Variants in MTUS2 observed in about 807,000 individuals in gnomAD.
MTUS2 encodes microtubule-associated tumor suppressor candidate 2.
MTUS2 carries 40 observed loss-of-function variants against 114.1 expected under a neutral mutation model. The ratio of observed to expected loss-of-function variants is 0.35; its 90% confidence interval spans 0.27 to 0.46. The LOEUF (loss-of-function observed/expected upper bound fraction) is 0.46, where lower values mean the gene tolerates loss of function less well. Among genes scored for constraint, MTUS2 ranks in the 20% least tolerant of loss-of-function variants. MTUS2 has a pLI of 1.00. For synonymous variants in MTUS2, 688 were observed against 672.0 expected (o/e 1.02, Z -0.37); for missense variants, 1,679 against 1,705.4 (o/e 0.98, Z 0.27).
intron 3 of MTUS2, among the ~76,000 whole-genome samples, chr13:29,028,772 A>C (rs1886680751): frequency 6.6e-6 from 1 of 152,050 alleles, no homozygotes; most frequent in South Asian, 2.1e-4. Context: ...GATTGTTTTC[A>C]ATATTTTGTT....
At chr13:29,028,355 C>CA (rs58532258) in intron 3 of MTUS2, among the ~76,000 whole-genome samples, 83,109 of 151,776 alleles carry the variant, frequency 0.55, 23,566 homozygotes, top group African/African-American at 0.7. Context: ...GTCTCAAAAA[C>CA]AAGGGCAGGA....
At chr13:29,264,705 T>A (rs144110214) in intron 5 of MTUS2, among the ~76,000 whole-genome samples, 8 of 152,346 alleles carry the variant, frequency 5.3e-5, no homozygotes, top group Non-Finnish European at 1.2e-4. Context: ...CAGCCTGAGC[T>A]GTACCTGGGA....
chr13:28,982,795 A>C (rs1033531148), intron 2 of MTUS2, among the ~76,000 whole-genome samples: 2 of 152,224 alleles, frequency 1.3e-5, no homozygotes, highest in African/African-American at 2.4e-5. Context: ...GACAAATACT[A>C]TGTGATTCCA....
intron 8 of MTUS2, among the ~76,000 whole-genome samples, chr13:29,371,425 C>T (rs980116413): frequency 7.9e-5 from 12 of 151,976 alleles, no homozygotes; most frequent in Admixed American, 7.9e-4. Flanking sequence ...ACCATGTTGG[C>T]CAGGCTGGTC....
At chr13:29,226,705 T>C (rs1170042138) in intron 5 of MTUS2, among the ~76,000 whole-genome samples, 1 of 152,168 alleles carries the variant, frequency 6.6e-6, no homozygotes, top group Non-Finnish European at 1.5e-5. Flanking sequence ...GAAGTCTCTT[T>C]AATATTAAAA....
chr13:29,482,770 C>A (rs934497884), intron 10 of MTUS2, among the ~76,000 whole-genome samples: 1 of 152,198 alleles, frequency 6.6e-6, no homozygotes, highest in African/African-American at 2.4e-5. Flanking sequence ...GAAATCATAT[C>A]TGAATGCTTT....
intron 5 of MTUS2, among the ~76,000 whole-genome samples, chr13:29,142,374 G>C (rs1182919777): frequency 6.6e-6 from 1 of 152,082 alleles, no homozygotes; most frequent in Non-Finnish European, 1.5e-5. Flanking sequence ...TGATGCTCCT[G>C]GTCCAGAACC....
chr13:29,476,568 A>AC lies in MTUS2; in HGVS notation c.3185-3582_3185-3581insC, dbSNP rs1464608115. Reference sequence around the variant, plus strand: ...AATTCACATACCATACAACCCACCCATTTAAGTATACAATGTGGTGGTTTT... The same window carrying AC: ...AATTCACATACCATACAACCCACCCACTTTAAGTATACAATGTGGTGGTTTT... On this transcript the variant is annotated intron_variant, in intron 9 of 15. Transcript: ENST00000612955. The AC allele has an allele frequency of 1.4e-4, 4 of 28,220 alleles. No individual in the cohort carries two copies. In the East Asian group the frequency reaches 2.1e-3, roughly 15 times the overall value. 1.7% of individuals were successfully genotyped at this position (28,220 alleles called of 1,614,324 possible).
At chr13:29,258,245 T>C (rs1300769585) in intron 5 of MTUS2, among the ~76,000 whole-genome samples, 1 of 152,214 alleles carries the variant, frequency 6.6e-6, no homozygotes, top group Non-Finnish European at 1.5e-5. Flanking sequence ...CTTGCAGTTG[T>C]AGGACTGAGG....
intron 8 of MTUS2, among the ~76,000 whole-genome samples, chr13:29,389,137 C>T (rs575720996): frequency 3.3e-5 from 5 of 151,182 alleles, no homozygotes; most frequent in South Asian, 2.1e-4. Flanking sequence ...TCACAGTTTT[C>T]CTGACAGAGA....
intron 4 of MTUS2, among the ~76,000 whole-genome samples, chr13:29,052,459 C>CAAAAAAAAAA (rs11325314): frequency 2.1e-5 from 2 of 94,852 alleles, no homozygotes; most frequent in Admixed American, 1.1e-4. Flanking sequence ...CTAGCCTGAG[C>CAAAAAAAAAA]AAAAAAAAAA....
intron 7 of MTUS2, among the ~76,000 whole-genome samples, chr13:29,344,128 G>C (rs1220196083): frequency 6.6e-6 from 1 of 152,090 alleles, no homozygotes; most frequent in Non-Finnish European, 1.5e-5. Context: ...TTCTGCAGTT[G>C]TTGGGTAGAA....
At chr13:29,190,951 G>C (rs1894422041) in intron 5 of MTUS2, among the ~76,000 whole-genome samples, 1 of 152,098 alleles carries the variant, frequency 6.6e-6, no homozygotes, top group Non-Finnish European at 1.5e-5. Context: ...CCATACTCTT[G>C]GCTTGCCCAC....
chr13:29,059,303 T>C (rs1274425352), intron 4 of MTUS2, among the ~76,000 whole-genome samples: 1 of 151,742 alleles, frequency 6.6e-6, no homozygotes, highest in Non-Finnish European at 1.5e-5. Flanking sequence ...AAGGTGGATT[T>C]AGTCAACTGG....
chr13:29,143,988 A>T (rs1892329311), intron 5 of MTUS2, among the ~76,000 whole-genome samples: 1 of 152,182 alleles, frequency 6.6e-6, no homozygotes, highest in Non-Finnish European at 1.5e-5. Context: ...TTATTCATTT[A>T]TTCATTCATT....
chr13:28,952,250 T>C lies in MTUS2; in HGVS notation c.-242-72207T>C, dbSNP rs536516698. Among the ~76,000 whole-genome samples, 49 of 152,364 alleles carry C rather than the reference T, an allele frequency of 3.2e-4. 1 individual carries two copies. Among genetic ancestry groups the C allele is most frequent in the African/African-American group, 1.1e-3 (46 of 41,578 alleles). ...CTCTTTCCAATCCAACACAACTCCCTGAGACAGTCAGTGTTAACAACCTCA... is the reference window on the plus strand; with the variant it reads ...CTCTTTCCAATCCAACACAACTCCCCGAGACAGTCAGTGTTAACAACCTCA... On this transcript the variant is annotated intron_variant, in intron 2 of 15. Coordinates refer to ENST00000612955, the MANE Select transcript of MTUS2 (RefSeq NM_001033602.4).
Position 29,389,748 on chromosome 13 carries a change from T to C in MTUS2, c.3117+30275T>C, listed in dbSNP as rs1366157512. On this transcript the variant is annotated intron_variant, in intron 8 of 15. Coordinates refer to ENST00000612955, the MANE Select transcript of MTUS2 (RefSeq NM_001033602.4). ...ACATATGTGTGTATATGTATATACA[T>C]ACATATGTGTGTATATGTATATACA... Among the ~76,000 whole-genome samples the C allele has an allele frequency of 5.3e-4, 18 of 33,842 alleles. 1 individual carries two copies. The highest frequency in any genetic ancestry group is 1.2e-3 in the African/African-American group (15 of 12,454). The allele number at this position is 33,842 out of a possible 152,430, so 22.2% of individuals were successfully genotyped here.
At chr13:29,348,152 C>T (rs1486878097) in intron 7 of MTUS2, among the ~76,000 whole-genome samples, 1 of 152,136 alleles carries the variant, frequency 6.6e-6, no homozygotes, top group Non-Finnish European at 1.5e-5. Flanking sequence ...GCTGAAAGTT[C>T]CAAGCTTCTA....
At chr13:28,938,180 C>T (rs1003884601) in intron 2 of MTUS2, among the ~76,000 whole-genome samples, 9 of 152,118 alleles carry the variant, frequency 5.9e-5, no homozygotes, top group East Asian at 1.9e-4. Context: ...GTCAGGAGAT[C>T]GAGACCATCC....
Sources: allele counts gnomAD v4.1 joint callset (sites outside exome capture counted in the v4.1 genomes callset), GRCh38; gene constraint gnomAD v4.1.1; transcripts MANE v1.5; gene names NCBI Gene and HGNC (gene_info 2026-07-23, HGNC 2026-07-21).